The following OR2A12 variants were observed in gnomAD, a reference collection of about 807,000 sequenced individuals.
OR2A12 encodes the protein olfactory receptor 2A12.
For synonymous variants in OR2A12, 153 were observed against 149.3 expected, an observed-to-expected ratio of 1.02 and a Z score of -0.18; for missense variants, 380 against 372.5, an observed-to-expected ratio of 1.02 and a Z score of -0.17.
intron 1 of OR2A12, among the ~76,000 whole-genome samples, chr7:144,091,668 T>C (rs1262425360): frequency 6.6e-6 from 1 of 152,212 alleles, no homozygotes; most frequent in African/African-American, 2.4e-5. Context: ...CCTTTTGAAG[T>C]GTCTGTTCAT....
At chr7:144,092,401 G>A (rs965075075) in intron 1 of OR2A12, among the ~76,000 whole-genome samples, 1 of 152,080 alleles carries the variant, frequency 6.6e-6, no homozygotes, top group East Asian at 1.9e-4. Flanking sequence ...AATATCATCG[G>A]TAGTTTGATA....
At chr7:144,094,660 G>A (rs907011149) in intron 1 of OR2A12, among the ~76,000 whole-genome samples, 2 of 152,172 alleles carry the variant, frequency 1.3e-5, no homozygotes, top group Non-Finnish European at 1.5e-5. Context: ...ATGTAAATAT[G>A]TCATCAGTAG....
chr7:144,095,061 G>A lies in OR2A12; in HGVS notation c.-47G>A. ...TTTTTTATTTTCTCCCATTAGCTGT[G>A]AAATTTCTGTCTTAAGTACATCACA... On this transcript the variant is annotated 5_prime_UTR_variant, in exon 2 of 2. Coordinates refer to ENST00000641592, the MANE Select transcript of OR2A12 (RefSeq NM_001004135.2). 1 of 1,308,424 alleles carries A rather than the reference G, an allele frequency of 7.6e-7. No individual in the cohort carries two copies. Among genetic ancestry groups the A allele is most frequent in the Non-Finnish European group, 1.1e-6 (1 of 939,512 alleles). The allele number at this position is 1,308,424 out of a possible 1,614,324, so 81.1% of individuals were successfully genotyped here. A position where few individuals can be genotyped will look rare whatever the true frequency, so the allele number is the denominator to read the frequency against.
chr7:144,095,047 C>T lies in OR2A12; in HGVS notation c.-51-10C>T. 1 of 1,097,110 alleles carries T rather than the reference C, an allele frequency of 9.1e-7. No homozygotes were observed. Among genetic ancestry groups the T allele is most frequent in the Non-Finnish European group, 1.3e-6 (1 of 752,008 alleles). The allele number at this position is 1,097,110 out of a possible 1,614,324, so 68.0% of individuals were successfully genotyped here. A position where few individuals can be genotyped will look rare whatever the true frequency, so the allele number is the denominator to read the frequency against. On this transcript the variant is annotated splice_polypyrimidine_tract_variant and intron_variant, in intron 1 of 1. Coordinates refer to ENST00000641592, the MANE Select transcript of OR2A12 (RefSeq NM_001004135.2). ...TCTATAATGAAATGTTTTTTATTTT[C>T]TCCCATTAGCTGTGAAATTTCTGTC...
chr7:144,097,623 A>C lies in OR2A12; in HGVS notation c.*1583A>C. On this transcript the variant is annotated 3_prime_UTR_variant, in exon 2 of 2. Transcript: ENST00000641592. ...CAAAACACACTATATAGTGCTAATA[A>C]ACAGAACAGTGTGGTATTTATACAC... is the stretch of plus-strand genomic sequence containing the variant. 1 of 152,164 alleles carries C rather than the reference A, an allele frequency of 6.6e-6. No homozygotes were observed. The highest frequency in any genetic ancestry group is 1.9e-4 in the East Asian group (1 of 5,202). The allele number at this position is 152,164 out of a possible 1,614,324, so 9.4% of individuals were successfully genotyped here.
intron 1 of OR2A12, among the ~76,000 whole-genome samples, chr7:144,088,303 C>T (rs1393590977): frequency 4.6e-5 from 7 of 152,174 alleles, no homozygotes; most frequent in African/African-American, 1.4e-4. Context: ...TGAGCCACCG[C>T]GCCCAGCCGT....
chr7:144,089,481 C>G (rs1033225295), intron 1 of OR2A12, among the ~76,000 whole-genome samples: 2 of 151,864 alleles, frequency 1.3e-5, no homozygotes, highest in Non-Finnish European at 2.9e-5. Flanking sequence ...TTTTAATGCC[C>G]TATAAGTACA....
rs2051257037 is a variant in OR2A12 at position 144,095,586 on chromosome 7, C to G, written c.479C>G (p.Thr160Ser). 1.2e-6 allele frequency: 2 copies of G among 1,613,972 alleles called. No homozygotes were observed. The highest frequency in any genetic ancestry group is 2.2e-5 in the South Asian group (2 of 91,078). The change falls in exon 2 of 2, where the codon ACT becomes AGT. Residue 160 changes from threonine (T) to serine (S), a missense_variant. Transcript: ENST00000641592. ...FSFLLALVHITLILRLPFCGP... is the reference protein window; with the variant it reads ...FSFLLALVHISLILRLPFCGP... The stretch of plus-strand genomic sequence containing the variant: ...TTTCTCTTGGCTCTGGTCCATATTA[C>G]TCTTATTCTGAGGCTGCCTTTTTGT...
chr7:144,097,371 A>G lies in OR2A12; in HGVS notation c.*1331A>G, dbSNP rs1586903214. 6.6e-6 allele frequency: 1 copy of G among 152,150 alleles called. No homozygotes were observed. Among genetic ancestry groups the G allele is most frequent in the African/African-American group, 2.4e-5 (1 of 41,434 alleles). 9.4% of individuals were successfully genotyped at this position (152,150 alleles called of 1,614,324 possible). ...GACTATGGTAAATAAATAGATACAC[A>G]ATGTGTGGTATGCCAAGTTCTTGGA... is the stretch of plus-strand genomic sequence containing the variant. On this transcript the variant is annotated 3_prime_UTR_variant, in exon 2 of 2. Transcript: ENST00000641592.
At position 144,087,380 on chromosome 7, in the gene OR2A12, A is replaced by G. The variant is rs1586898840; in HGVS notation, c.-52+837A>G. Among the ~76,000 whole-genome samples the G allele has an allele frequency of 2.6e-5, 4 of 152,318 alleles. No homozygotes were observed. In the South Asian group the frequency reaches 8.3e-4, roughly 32 times the overall value. Reference sequence around the variant, plus strand: ...AGACAAGCCAGATAAGCTTTTCCTGATTTGTGTACCAAGAATGGTTGTCTT... The same window carrying G: ...AGACAAGCCAGATAAGCTTTTCCTGGTTTGTGTACCAAGAATGGTTGTCTT... On this transcript the variant is annotated intron_variant, in intron 1 of 1. Coordinates refer to ENST00000641592, the MANE Select transcript of OR2A12 (RefSeq NM_001004135.2).
intron 1 of OR2A12, among the ~76,000 whole-genome samples, chr7:144,088,301 C>T (rs1039682703): frequency 6.6e-5 from 10 of 152,144 alleles, no homozygotes; most frequent in African/African-American, 1.4e-4. Flanking sequence ...TGTGAGCCAC[C>T]GCGCCCAGCC....
At position 144,096,223 on chromosome 7, in the gene OR2A12, C is replaced by A; in HGVS notation, c.*183C>A. On this transcript the variant is annotated 3_prime_UTR_variant, in exon 2 of 2. Coordinates refer to ENST00000641592, the MANE Select transcript of OR2A12 (RefSeq NM_001004135.2). ...TAATCCCAACACTTTGGGAGGCTGA[C>A]CTGGGCGGATTACCTGAGGTCAGGA... 2.0e-6 allele frequency: 1 copy of A among 502,826 alleles called. No individual in the cohort carries two copies. Among genetic ancestry groups the A allele is most frequent in the African/African-American group, 1.9e-5 (1 of 51,728 alleles). The allele number at this position is 502,826 out of a possible 1,614,324, so 31.1% of individuals were successfully genotyped here.
At position 144,095,848 on chromosome 7, in the gene OR2A12, G is replaced by A; in HGVS notation, c.741G>A (p.Val247=). Residue 247 remains valine, a synonymous_variant, in exon 2 of 2, where the codon GTG becomes GTA. Coordinates refer to ENST00000641592, the MANE Select transcript of OR2A12 (RefSeq NM_001004135.2). ...FSTCSSHLCV[V]GLFFGSAIVM... ...CCTGCTCCTCCCACCTCTGCGTGGT[G>A]GGGCTTTTCTTTGGCAGCGCCATTG... 1.2e-6 allele frequency: 2 copies of A among 1,614,088 alleles called. No individual in the cohort carries two copies. The highest frequency in any genetic ancestry group is 1.7e-6 in the Non-Finnish European group (2 of 1,180,016).
Position 144,095,521 on chromosome 7 carries a change from A to C in OR2A12, c.414A>C (p.Arg138Ser), listed in dbSNP as rs143891158. 1.5e-5 allele frequency: 24 copies of C among 1,614,028 alleles called. No homozygotes were observed. In the African/African-American group the frequency reaches 2.9e-4, roughly 20 times the overall value. The change falls in exon 2 of 2, where the codon AGA (arginine) becomes AGC (serine). Residue 138 changes from arginine (R) to serine (S), a missense_variant. By Grantham distance (110) the Arg-to-Ser change is moderately radical. Coordinates refer to ENST00000641592, the MANE Select transcript of OR2A12 (RefSeq NM_001004135.2). Reference sequence around the variant, plus strand: ...AATACACCCTCATTATGAACTGGAGAGTGTGCACTGTCCTGGCCTCAACTT... The same window carrying C: ...AATACACCCTCATTATGAACTGGAGCGTGTGCACTGTCCTGGCCTCAACTT... Reference protein sequence around the residue: ...PLQYTLIMNWRVCTVLASTCW... With the variant: ...PLQYTLIMNWSVCTVLASTCW...
At chr7:144,091,193 C>G (rs560934672) in intron 1 of OR2A12, among the ~76,000 whole-genome samples, 1 of 152,184 alleles carries the variant, frequency 6.6e-6, no homozygotes, top group Non-Finnish European at 1.5e-5. Context: ...GAGTTCAAGA[C>G]CATCCTGGTC....
chr7:144,092,498 A>G (rs1391213101), intron 1 of OR2A12, among the ~76,000 whole-genome samples: 2 of 152,110 alleles, frequency 1.3e-5, no homozygotes, highest in Non-Finnish European at 2.9e-5. Context: ...TATTTGTGTC[A>G]TCTCTGATAT....
At chr7:144,088,935 T>A (rs1234355136) in intron 1 of OR2A12, among the ~76,000 whole-genome samples, 2 of 152,124 alleles carry the variant, frequency 1.3e-5, no homozygotes, top group Admixed American at 6.5e-5. Flanking sequence ...CCACACACCA[T>A]GCACAAAAAT....
chr7:144,089,380 AAAG>A (rs1269884863), intron 1 of OR2A12, among the ~76,000 whole-genome samples: 1 of 151,886 alleles, frequency 6.6e-6, no homozygotes, highest in African/African-American at 2.4e-5. Flanking sequence ...TAGAGAGAAA[AAAG>A]AGAATTTATG....
rs776849716 is a variant in OR2A12, at chr7:144,095,630, C to A, written c.523C>A (p.His175Asn). The change falls in exon 2 of 2, where the codon CAC (histidine) becomes AAC (asparagine). Residue 175 changes from histidine to asparagine, a missense_variant. His to Asn is a moderately conservative substitution (Grantham distance 68, BLOSUM62 1). Coordinates refer to ENST00000641592, the MANE Select transcript of OR2A12 (RefSeq NM_001004135.2). Reference protein sequence around the residue: ...LPFCGPQKINHFFCQIMSVFK... With the variant: ...LPFCGPQKINNFFCQIMSVFK... ...TTTTTGTGGCCCACAAAAGATCAAC[C>A]ACTTTTTCTGTCAAATCATGTCCGT... The A allele has an allele frequency of 1.5e-5, 24 of 1,614,004 alleles. No individual in the cohort carries two copies. Among genetic ancestry groups the A allele is most frequent in the South Asian group, 1.4e-4 (13 of 91,088 alleles).
Sources: gnomAD v4.1 joint callset for allele counts (sites outside exome capture counted in the v4.1 genomes callset) on GRCh38, gnomAD v4.1.1 for gene constraint, MANE v1.5 for transcripts, NCBI Gene and HGNC (gene_info 2026-07-23, HGNC 2026-07-21) for gene names.